Variants in SCAPER observed in about 807,000 individuals in gnomAD.
The protein encoded by SCAPER is S-phase cyclin A associated protein in the ER.
SCAPER carries 98 observed loss-of-function variants against 182.2 expected under a neutral mutation model. That is an observed-to-expected ratio of 0.54 (90% confidence interval 0.46 to 0.64). The LOEUF (loss-of-function observed/expected upper bound fraction) is 0.64. SCAPER is among the 30% of genes least tolerant of loss of function. The pLI, the probability that SCAPER is intolerant of heterozygous loss-of-function variation, is 0.00. For missense variants in SCAPER, 1,432 were observed against 1,690.0 expected (o/e 0.85, Z 2.68); for synonymous variants, 605 against 564.6 (o/e 1.07, Z -1.01).
At chr15:76,525,251 A>G (rs759237891) in intron 23 of SCAPER, among the ~76,000 whole-genome samples, 27 of 152,146 alleles carry the variant, frequency 1.8e-4, no homozygotes, top group Non-Finnish European at 3.8e-4. Flanking sequence ...TCACTCTCCT[A>G]AACTCATATC....
chr15:76,351,158 A>G (rs1566973743), intron 31 of SCAPER, 79 bp downstream of exon 31: 5 of 1,220,372 alleles, frequency 4.1e-6, no homozygotes, highest in Non-Finnish European at 5.7e-6. Flanking sequence ...CATATAATGT[A>G]GCAGTTCCAG....
At chr15:76,899,884 C>A (rs575229796) in intron 1 of SCAPER, among the ~76,000 whole-genome samples, 1 of 152,048 alleles carries the variant, frequency 6.6e-6, no homozygotes, top group African/African-American at 2.4e-5. Flanking sequence ...ATGACGATGG[C>A]GGTTTTGTCG....
intron 21 of SCAPER, among the ~76,000 whole-genome samples, chr15:76,650,496 T>G (rs962762349): frequency 3.3e-5 from 5 of 151,982 alleles, no homozygotes; most frequent in Non-Finnish European, 1.5e-5. Context: ...TATATATATC[T>G]AATAACAAAG....
At chr15:76,624,194 A>C (rs1199752886) in intron 21 of SCAPER, among the ~76,000 whole-genome samples, 1 of 152,238 alleles carries the variant, frequency 6.6e-6, no homozygotes, top group Non-Finnish European at 1.5e-5. Context: ...GACTTCAGTA[A>C]AGTTTCAGGA....
chr15:76,902,740 T>C (rs1485542256), intron 1 of SCAPER, among the ~76,000 whole-genome samples: 2 of 152,168 alleles, frequency 1.3e-5, no homozygotes, highest in Admixed American at 6.5e-5. Context: ...CCTTTAAAAC[T>C]AGTCTGGGCT....
At chr15:76,567,308 T>G in intron 23 of SCAPER, 1 of 453,440 alleles carries the variant, frequency 2.2e-6, no homozygotes, top group Non-Finnish European at 4.4e-6. Context: ...ATTCTTGCAC[T>G]ATTTTCCATA....
At chr15:76,638,935 T>C (rs1350204061) in intron 21 of SCAPER, among the ~76,000 whole-genome samples, 1 of 152,194 alleles carries the variant, frequency 6.6e-6, no homozygotes, top group Non-Finnish European at 1.5e-5. Flanking sequence ...ATGAGGAAAC[T>C]GAGACACTAA....
intron 2 of SCAPER, among the ~76,000 whole-genome samples, chr15:76,874,490 A>C (rs924024786): frequency 6.6e-6 from 1 of 152,188 alleles, no homozygotes; most frequent in Non-Finnish European, 1.5e-5. Flanking sequence ...AAATTAAAAA[A>C]AAAACAAAAG....
chr15:76,713,391 A>G (rs2059701080), intron 17 of SCAPER, among the ~76,000 whole-genome samples: 1 of 151,976 alleles, frequency 6.6e-6, no homozygotes, highest in African/African-American at 2.4e-5. Flanking sequence ...AATGTCCAAC[A>G]TTGATAGACT....
At chr15:76,886,761 C>A (rs918841238) in intron 1 of SCAPER, among the ~76,000 whole-genome samples, 3 of 152,128 alleles carry the variant, frequency 2.0e-5, no homozygotes, top group African/African-American at 7.2e-5. Flanking sequence ...TAAATGCCCT[C>A]AATGATTGAC....
At chr15:76,666,035 T>C (rs140234732) in intron 20 of SCAPER, among the ~76,000 whole-genome samples, 1 of 152,266 alleles carries the variant, frequency 6.6e-6, no homozygotes, top group Non-Finnish European at 1.5e-5. Flanking sequence ...ACATAAACCC[T>C]ACCAAGATAT....
At chr15:76,778,843 T>C (rs2063910340) in intron 8 of SCAPER, among the ~76,000 whole-genome samples, 1 of 152,066 alleles carries the variant, frequency 6.6e-6, no homozygotes, top group Admixed American at 6.6e-5. Context: ...ACTTAAACTA[T>C]ATGTTATCTA....
intron 25 of SCAPER, among the ~76,000 whole-genome samples, chr15:76,468,050 T>C (rs2049831007): frequency 6.6e-6 from 1 of 152,200 alleles, no homozygotes; most frequent in Non-Finnish European, 1.5e-5. Flanking sequence ...TTGACAACTA[T>C]TTTTTAATCC....
intron 1 of SCAPER, among the ~76,000 whole-genome samples, chr15:76,884,515 G>A (rs1032315560): frequency 2.0e-5 from 3 of 152,162 alleles, no homozygotes; most frequent in African/African-American, 7.2e-5. Context: ...CTGGGAAATT[G>A]CTTAACAAAC....
At chr15:76,366,090 C>A (rs11856986) in intron 29 of SCAPER, among the ~76,000 whole-genome samples, 14 of 17,090 alleles carry the variant, frequency 8.2e-4, no homozygotes, top group African/African-American at 1.0e-3. Context: ...CACACTTACA[C>A]ACACACACAC....
chr15:76,864,705 T>A (rs1249606253), intron 2 of SCAPER, among the ~76,000 whole-genome samples: 1 of 152,176 alleles, frequency 6.6e-6, no homozygotes, highest in African/African-American at 2.4e-5. Flanking sequence ...TTTTTTTTTT[T>A]TTATTTTAGG....
At chr15:76,517,498 T>C (rs2042523827) in intron 23 of SCAPER, among the ~76,000 whole-genome samples, 1 of 151,860 alleles carries the variant, frequency 6.6e-6, no homozygotes, top group Admixed American at 6.6e-5. Context: ...TACAGGCATG[T>C]GCCACTACAC....
intron 25 of SCAPER, among the ~76,000 whole-genome samples, chr15:76,447,768 A>G (rs2048100254): frequency 6.6e-6 from 1 of 152,220 alleles, no homozygotes; most frequent in African/African-American, 2.4e-5. Flanking sequence ...TTTGAATACT[A>G]TGTCCTCGAC....
chr15:76,571,846 A>C (rs1379710387), intron 23 of SCAPER, among the ~76,000 whole-genome samples: 1 of 152,204 alleles, frequency 6.6e-6, no homozygotes, highest in African/African-American at 2.4e-5. Flanking sequence ...GACTGAAATC[A>C]TAAATATCAT....
Sources: allele counts gnomAD v4.1 joint callset (sites outside exome capture counted in the v4.1 genomes callset), GRCh38; gene constraint gnomAD v4.1.1; transcripts MANE v1.5; gene names NCBI Gene and HGNC (gene_info 2026-07-23, HGNC 2026-07-21).